RAB38: variants seen among roughly 807,000 people sequenced by gnomAD.
RAB38 encodes RAB38, member RAS oncogene family.
Under a neutral mutation model 18.4 loss-of-function variants are expected in RAB38, and 15 were observed. The observed-to-expected ratio is 0.82, with a 90% CI of 0.55 to 1.26. RAB38 has a LOEUF of 1.26. Among genes scored for constraint, RAB38 ranks in the 50% most tolerant of loss-of-function variants. RAB38 has a pLI of 0.00. For synonymous variants in RAB38, 101 were observed against 104.4 expected, an observed-to-expected ratio of 0.97 and a Z score of 0.20; for missense variants, 294 against 267.4, an observed-to-expected ratio of 1.10 and a Z score of -0.69.
chr11:88,129,175 C>A (rs1256736655), intron 2 of RAB38, among the ~76,000 whole-genome samples: 1 of 151,892 alleles, frequency 6.6e-6, no homozygotes, highest in African/African-American at 2.4e-5. Flanking sequence ...TTAACATATA[C>A]AGAATAAGTA....
At chr11:88,103,816 T>A in the RAB38 span, among the ~76,000 whole-genome samples, 1 of 152,146 alleles carries the variant, frequency 6.6e-6, no homozygotes, top group Non-Finnish European at 1.5e-5. Context: ...TAGAGGGTGC[T>A]AGTGAGATCC....
chr11:87,907,548 T>A, the RAB38 span, among the ~76,000 whole-genome samples: 6 of 151,852 alleles, frequency 4.0e-5, no homozygotes, highest in South Asian at 1.2e-3. Context: ...ACAATATTTT[T>A]AATTATTTCC....
intron 2 of RAB38, among the ~76,000 whole-genome samples, chr11:88,135,801 A>T (rs971583414): frequency 1.3e-5 from 2 of 152,218 alleles, no homozygotes; most frequent in Admixed American, 1.3e-4. Context: ...TTTACAACAT[A>T]ATGTTTCAGA....
At chr11:88,087,995 G>A in the RAB38 span, among the ~76,000 whole-genome samples, 10 of 151,848 alleles carry the variant, frequency 6.6e-5, no homozygotes, top group South Asian at 2.1e-4. Flanking sequence ...TCCATCTTCC[G>A]TAACAGCTTC....
the RAB38 span, among the ~76,000 whole-genome samples, chr11:87,937,234 T>C: frequency 1.3e-5 from 2 of 148,510 alleles, no homozygotes; most frequent in African/African-American, 5.0e-5. Context: ...CTTTAGCTTA[T>C]TAATATGGTA....
the RAB38 span, among the ~76,000 whole-genome samples, chr11:88,004,507 C>G: frequency 6.6e-6 from 1 of 151,208 alleles, no homozygotes. Flanking sequence ...GAAAAACCTA[C>G]AAGAAACATT....
chr11:88,021,587 T>C, the RAB38 span, among the ~76,000 whole-genome samples: 1 of 148,686 alleles, frequency 6.7e-6, no homozygotes. Flanking sequence ...TTTATTTATT[T>C]ATTTATTTAT....
chr11:88,167,624 G>C (rs1024727310), intron 1 of RAB38: 5 of 152,250 alleles, frequency 3.3e-5, no homozygotes, highest in Admixed American at 1.3e-4. Flanking sequence ...AATTTAATTA[G>C]TACTTGAGAG....
chr11:88,061,197 A>G, the RAB38 span, among the ~76,000 whole-genome samples: 2 of 152,210 alleles, frequency 1.3e-5, no homozygotes, highest in Non-Finnish European at 2.9e-5. Context: ...GAGAGAAATA[A>G]TGTATTCTAC....
chr11:88,058,819 GC>G, the RAB38 span, among the ~76,000 whole-genome samples: 3 of 152,070 alleles, frequency 2.0e-5, no homozygotes, highest in South Asian at 6.2e-4. Context: ...TGTCTGGTTT[GC>G]CTTTTTCTTT....
chr11:88,082,938 C>T, the RAB38 span, among the ~76,000 whole-genome samples: 38 of 151,958 alleles, frequency 2.5e-4, no homozygotes, highest in East Asian at 7.4e-3. Context: ...GCCTAAAGGA[C>T]CCTAGATAAT....
chr11:87,920,820 T>C, the RAB38 span, among the ~76,000 whole-genome samples: 3 of 152,134 alleles, frequency 2.0e-5, no homozygotes, highest in Non-Finnish European at 4.4e-5. Context: ...GGTACTTCCA[T>C]GTTGGGTGAA....
At chr11:88,036,965 T>A in the RAB38 span, among the ~76,000 whole-genome samples, 5 of 152,074 alleles carry the variant, frequency 3.3e-5, no homozygotes, top group African/African-American at 1.2e-4. Context: ...TGTGTGTGTG[T>A]CTTTGTCAAG....
At chr11:87,809,929 AATTTAAAAGTAATAAAAAGC>A in the RAB38 span, among the ~76,000 whole-genome samples, 14,693 of 152,176 alleles carry the variant, frequency 0.097, 834 homozygotes, top group African/African-American at 0.14. Flanking sequence ...ATCTCTTTTG[AATTTAAAAGTAATAAAAAGC>A]AGATATTAAT....
At chr11:87,886,026 G>A in the RAB38 span, among the ~76,000 whole-genome samples, 152 of 152,024 alleles carry the variant, frequency 1.0e-3, 1 homozygote, top group South Asian at 7.1e-3. Context: ...CTTGCTTCTA[G>A]CACTCCCATT....
At chr11:87,817,492 T>C in the RAB38 span, 2 of 152,186 alleles carry the variant, frequency 1.3e-5, no homozygotes, top group African/African-American at 4.8e-5. Context: ...TTTTTTTGTC[T>C]TGAAATAGTT....
At chr11:88,039,151 G>A in the RAB38 span, among the ~76,000 whole-genome samples, 2 of 152,150 alleles carry the variant, frequency 1.3e-5, no homozygotes, top group African/African-American at 4.8e-5. Context: ...TTGGAGCCGA[G>A]TTGAGAAATA....
the RAB38 span, among the ~76,000 whole-genome samples, chr11:88,107,561 A>C: frequency 0.079 from 6 of 76 alleles, no homozygotes; most frequent in Non-Finnish European, 0.14. Flanking sequence ...AATCTTTTCA[A>C]AAAAAAAAAT....
At chr11:88,096,878 T>G in the RAB38 span, among the ~76,000 whole-genome samples, 2 of 151,672 alleles carry the variant, frequency 1.3e-5, no homozygotes, top group African/African-American at 4.8e-5. Context: ...AGAGTAAATA[T>G]TTCAGTGGTG....
Sources: gnomAD v4.1 joint callset for allele counts (sites outside exome capture counted in the v4.1 genomes callset) on GRCh38, gnomAD v4.1.1 for gene constraint, MANE v1.5 for transcripts, NCBI Gene and HGNC (gene_info 2026-07-23, HGNC 2026-07-21) for gene names.